The following PPFIA2 variants were observed in gnomAD, a reference collection of about 807,000 sequenced individuals.
PPFIA2 encodes the protein liprin-alpha-2.
Under a neutral mutation model 175.5 loss-of-function variants are expected in PPFIA2, and 46 were observed. That is an observed-to-expected ratio of 0.26 (90% CI 0.21 to 0.34). The LOEUF (loss-of-function observed/expected upper bound fraction) is 0.34, where lower values mean the gene tolerates loss of function less well. Ranked by LOEUF, PPFIA2 falls within the 10% of genes least tolerant of loss-of-function variation. The probability of loss-of-function intolerance (pLI) is 1.00; values close to 1 mark genes in which losing one functional copy is unlikely to be tolerated. For synonymous variants in PPFIA2, 568 were observed against 511.4 expected, an observed-to-expected ratio of 1.11 and a Z score of -1.49; for missense variants, 1,179 against 1,506.1, an observed-to-expected ratio of 0.78 and a Z score of 3.60.
intron 22 of PPFIA2, among the ~76,000 whole-genome samples, chr12:81,306,229 A>G (rs1212679151): frequency 6.6e-6 from 1 of 152,140 alleles, no homozygotes; most frequent in Non-Finnish European, 1.5e-5. Context: ...AAAGAAAAAA[A>G]AAATCTGCCT....
At chr12:81,296,395 G>A (rs2046439162) in intron 23 of PPFIA2, among the ~76,000 whole-genome samples, 1 of 152,140 alleles carries the variant, frequency 6.6e-6, no homozygotes, top group African/African-American at 2.4e-5. Flanking sequence ...AACCAGCAGT[G>A]CTATTTACAC....
At chr12:81,657,352 CAA>C (rs1324944596) in intron 4 of PPFIA2, among the ~76,000 whole-genome samples, 1 of 152,172 alleles carries the variant, frequency 6.6e-6, no homozygotes, top group African/African-American at 2.4e-5. Context: ...CTTATCTTGC[CAA>C]AAGAGATAGA....
chr12:81,530,759 A>G (rs1381302151), intron 4 of PPFIA2, among the ~76,000 whole-genome samples: 2 of 130,648 alleles, frequency 1.5e-5, no homozygotes, highest in African/African-American at 3.3e-5. Context: ...AGAGAAAAAA[A>G]AAAACACATT....
chr12:81,483,544 A>G (rs549579180), intron 4 of PPFIA2, among the ~76,000 whole-genome samples: 1 of 152,236 alleles, frequency 6.6e-6, no homozygotes, highest in South Asian at 2.1e-4. Context: ...CAAGTGGGGA[A>G]TAATTGCTAA....
At chr12:81,471,039 C>A (rs2056627377) in intron 4 of PPFIA2, 1 of 152,128 alleles carries the variant, frequency 6.6e-6, no homozygotes, top group Non-Finnish European at 1.5e-5. Context: ...TCCCTCAGCA[C>A]AATGTCTTCC....
rs138494274 is a variant in PPFIA2 at position 81,341,534 on chromosome 12, A to G, written c.2263-326T>C. Among the ~76,000 whole-genome samples the G allele has an allele frequency of 6.9e-3, 1,054 of 152,222 alleles. 17 individuals are homozygous for G. Among genetic ancestry groups the G allele is most frequent in the African/African-American group, 0.024 (1,006 of 41,544 alleles). On this transcript the variant is annotated intron_variant, in intron 19 of 32. Transcript: ENST00000549396. ...CCAAGACGGCTTTGAATGCAGCCCA[A>G]CACGAATTCGTAAACTGTCTTAAAA...
chr12:81,429,276 T>A (rs2144367087), intron 7 of PPFIA2, among the ~76,000 whole-genome samples: 1 of 152,138 alleles, frequency 6.6e-6, no homozygotes, highest in Non-Finnish European at 1.5e-5. Context: ...AGTGAGTAAT[T>A]TGCAAAGGCC....
At chr12:81,615,268 T>C (rs1416462540) in intron 4 of PPFIA2, among the ~76,000 whole-genome samples, 1 of 152,094 alleles carries the variant, frequency 6.6e-6, no homozygotes, top group Non-Finnish European at 1.5e-5. Flanking sequence ...GCAGGAGTAG[T>C]AGGTTTAGGA....
At chr12:81,400,764 A>C (rs925754326) in intron 8 of PPFIA2, among the ~76,000 whole-genome samples, 2 of 152,200 alleles carry the variant, frequency 1.3e-5, no homozygotes, top group African/African-American at 4.8e-5. Flanking sequence ...AATTAAGCTC[A>C]AAGTGGGAAT....
At position 81,698,615 on chromosome 12, in the gene PPFIA2, A is replaced by G. The variant is rs146294250; in HGVS notation, c.250-21771T>C. 5.1e-4 allele frequency among the ~76,000 whole-genome samples: 77 copies of G among 152,310 alleles called. No individual in the cohort carries two copies. The East Asian group carries it at 6.6e-3, about 13-fold the overall frequency. ...CATGAAGAATTAGAAGTGTCAGGAA[A>G]TAAATATTTTGTTTATCATTTGAAG... On this transcript the variant is annotated intron_variant, in intron 3 of 32. Coordinates refer to ENST00000549396, the MANE Select transcript of PPFIA2 (RefSeq NM_003625.5).
intron 8 of PPFIA2, among the ~76,000 whole-genome samples, chr12:81,397,554 G>A (rs186058842): frequency 9.4e-4 from 143 of 152,216 alleles, no homozygotes; most frequent in East Asian, 8.3e-3. Context: ...GACTGTAGCA[G>A]GAGTGGCTTC....
At chr12:81,411,655 C>A (rs191978843) in intron 7 of PPFIA2, among the ~76,000 whole-genome samples, 24 of 152,142 alleles carry the variant, frequency 1.6e-4, no homozygotes, top group Non-Finnish European at 2.9e-4. Flanking sequence ...TGCCTGTGAA[C>A]AACTGTTTTT....
intron 11 of PPFIA2, among the ~76,000 whole-genome samples, chr12:81,372,300 A>C (rs2035327852): frequency 6.6e-6 from 1 of 151,588 alleles, no homozygotes; most frequent in South Asian, 2.1e-4. Flanking sequence ...TAGAAAAAAG[A>C]AGAAAAAAAG....
rs373961852 is a variant in PPFIA2 at position 81,319,931 on chromosome 12, A to C, written c.2642+5846T>G. On this transcript the variant is annotated intron_variant, in intron 22 of 32. Transcript: ENST00000549396. ...GTTCCTACTGCATGCCTACAAAACA[A>C]ATTTTTGTGGGGGAAGCACAGACTT... 2.6e-5 allele frequency among the ~76,000 whole-genome samples: 4 copies of C among 152,036 alleles called. No homozygotes were observed. The East Asian group carries it at 7.7e-4, about 29-fold the overall frequency.
intron 24 of PPFIA2, among the ~76,000 whole-genome samples, chr12:81,284,662 TA>T (rs761890716): frequency 6.6e-6 from 1 of 152,198 alleles, no homozygotes; most frequent in African/African-American, 2.4e-5. Context: ...AACTGTAGAA[TA>T]ATGTAATTTT....
At chr12:81,680,331 TGTTA>T (rs966157987) in intron 3 of PPFIA2, among the ~76,000 whole-genome samples, 2 of 152,008 alleles carry the variant, frequency 1.3e-5, no homozygotes, top group African/African-American at 2.4e-5. Flanking sequence ...AATAAACTTA[TGTTA>T]GTTAATTATT....
intron 7 of PPFIA2, among the ~76,000 whole-genome samples, chr12:81,412,771 T>C (rs1392031755): frequency 6.6e-6 from 1 of 151,976 alleles, no homozygotes; most frequent in African/African-American, 2.4e-5. Flanking sequence ...TGTATTTGTT[T>C]GTAAAATACT....
chr12:81,488,670 AG>A (rs781085166), intron 4 of PPFIA2, among the ~76,000 whole-genome samples: 11 of 151,794 alleles, frequency 7.2e-5, no homozygotes, highest in Non-Finnish European at 1.3e-4. Flanking sequence ...TTCATTCTTT[AG>A]GGCTTTGATG....
chr12:81,703,686 T>A (rs2076767770), intron 3 of PPFIA2, among the ~76,000 whole-genome samples: 1 of 152,026 alleles, frequency 6.6e-6, no homozygotes, highest in Non-Finnish European at 1.5e-5. Context: ...AATCCCACCA[T>A]AATCCCGTGC....
Sources: gnomAD v4.1 joint callset for allele counts (sites outside exome capture counted in the v4.1 genomes callset) on GRCh38, gnomAD v4.1.1 for gene constraint, MANE v1.5 for transcripts, NCBI Gene and HGNC (gene_info 2026-07-23, HGNC 2026-07-21) for gene names.